The following SLCO5A1 variants were observed in gnomAD, a reference collection of about 807,000 sequenced individuals.
The protein encoded by SLCO5A1 is organic anion transporter polypeptide-related protein 4.
A neutral mutation model predicts 65.1 loss-of-function variants in SLCO5A1; 39 were observed. That is an observed-to-expected ratio of 0.60 (90% CI 0.46 to 0.78). The LOEUF (loss-of-function observed/expected upper bound fraction) is 0.78. SLCO5A1 is among the 30% of genes least tolerant of loss of function. The pLI is 0.00. For missense variants in SLCO5A1, 1,029 were observed against 1,069.4 expected, an observed-to-expected ratio of 0.96 and a Z score of 0.53; for synonymous variants, 438 against 415.7, an observed-to-expected ratio of 1.05 and a Z score of -0.65.
At chr8:69,704,417 T>C (rs1252928873) in intron 6 of SLCO5A1, among the ~76,000 whole-genome samples, 1 of 152,238 alleles carries the variant, frequency 6.6e-6, no homozygotes, top group East Asian at 1.9e-4. Context: ...TTCAGATTGT[T>C]ACTACCAGTA....
chr8:69,744,300 T>C (rs181627548), intron 4 of SLCO5A1, among the ~76,000 whole-genome samples: 10 of 152,344 alleles, frequency 6.6e-5, no homozygotes, highest in African/African-American at 2.4e-4. Context: ...AGCGGGCTGC[T>C]GCCTGCCCTT....
At chr8:69,739,991 C>A (rs1484447552) in intron 4 of SLCO5A1, among the ~76,000 whole-genome samples, 2 of 152,188 alleles carry the variant, frequency 1.3e-5, no homozygotes, top group African/African-American at 4.8e-5. Flanking sequence ...AACATACTAT[C>A]ACATGACTGT....
intron 2 of SLCO5A1, among the ~76,000 whole-genome samples, chr8:69,784,883 GAA>G (rs1171931225): frequency 1.6e-3 from 154 of 95,974 alleles, no homozygotes; most frequent in African/African-American, 4.7e-3. Flanking sequence ...GAGAAAGAAA[GAA>G]AGAAGAAAGG....
rs1817504046 is a variant in SLCO5A1, at chr8:69,755,523, C to T, written c.1159G>A (p.Asp387Asn). The T allele has an allele frequency of 1.9e-6, 3 of 1,613,956 alleles. No homozygotes were observed. The East Asian group carries it at 6.7e-5, about 36-fold the overall frequency. ...KKKKKKKFSV[D>N]AVSDDDVLKE... ...AGAACATCGTCATCACTAACAGCAT[C>T]AACAGAAAATTTTTTCTTTTTCTTT... The change falls in exon 4 of 10, where the codon GAT becomes AAT. Residue 387 changes from aspartate (D) to asparagine (N), a missense_variant. By Grantham distance (23) the Asp-to-Asn change is conservative. This residue lies in a region of SLCO5A1 where 647 missense variants were observed against 647.5 expected (regional missense o/e 1.00). Transcript: ENST00000260126.
At chr8:69,678,806 A>AAC (rs1053458507) in intron 8 of SLCO5A1, among the ~76,000 whole-genome samples, 1 of 151,924 alleles carries the variant, frequency 6.6e-6, no homozygotes. Context: ...AACTGAAAAA[A>AAC]AAAAAAAGGG....
At chr8:69,830,146 G>C (rs1821097856) in intron 2 of SLCO5A1, among the ~76,000 whole-genome samples, 1 of 152,038 alleles carries the variant, frequency 6.6e-6, no homozygotes, top group Non-Finnish European at 1.5e-5. Flanking sequence ...CTCTTTTTCT[G>C]ACCCATTGAA....
rs142900277 is a variant in SLCO5A1, at chr8:69,800,278, A to G, written c.907+31489T>C. ...TTTTTTTTTTTTTTTTTTTGAGACA[A>G]GGTCTTGCCCTGTCACTCAGCCTGG... is the stretch of plus-strand genomic sequence containing the variant. On this transcript the variant is annotated intron_variant, in intron 2 of 9. Transcript: ENST00000260126. Among the ~76,000 whole-genome samples, 378 of 132,082 alleles carry G rather than the reference A, an allele frequency of 2.9e-3. 2 individuals are homozygous for G. Among genetic ancestry groups the G allele is most frequent in the Middle Eastern group, 0.012 (3 of 254 alleles). The allele number at this position is 132,082 out of a possible 152,430, so 86.7% of individuals were successfully genotyped here. A position where few individuals can be genotyped will look rare whatever the true frequency, so the allele number is the denominator to read the frequency against.
intron 4 of SLCO5A1, among the ~76,000 whole-genome samples, chr8:69,740,953 C>G (rs1270714344): frequency 6.6e-6 from 1 of 152,124 alleles, no homozygotes. Flanking sequence ...TATTTGTAAC[C>G]CCAAAAATTA....
rs781535151 is a variant in SLCO5A1 at position 69,831,946 on chromosome 8, G to A, written c.728C>T (p.Thr243Ile). ...NDGLCQGGNSTATLEPPACPK... is the reference protein window; with the variant it reads ...NDGLCQGGNSIATLEPPACPK... Reference sequence around the variant, plus strand: ...ACAGGCCGGAGGCTCCAAAGTGGCGGTGGAGTTGCCACCCTGACACAGGCC... The same window carrying A: ...ACAGGCCGGAGGCTCCAAAGTGGCGATGGAGTTGCCACCCTGACACAGGCC... The change falls in exon 2 of 10, where the codon ACC becomes ATC. Residue 243 changes from threonine to isoleucine, a missense_variant. Thr to Ile is a moderately conservative substitution (Grantham distance 89). Coordinates refer to ENST00000260126, the MANE Select transcript of SLCO5A1 (RefSeq NM_030958.3). 2.5e-6 allele frequency: 4 copies of A among 1,595,508 alleles called. No individual in the cohort carries two copies. Among genetic ancestry groups the A allele is most frequent in the Non-Finnish European group, 3.4e-6 (4 of 1,172,094 alleles).
chr8:69,755,532 A>T lies in SLCO5A1; in HGVS notation c.1150T>A (p.Phe384Ile), dbSNP rs1817504314. The change falls in exon 4 of 10, where the codon TTT (phenylalanine) becomes ATT (isoleucine). Residue 384 changes from phenylalanine to isoleucine, a missense_variant. Phe to Ile is a conservative substitution (Grantham distance 21). Transcript: ENST00000260126. ...TCATCACTAACAGCATCAACAGAAAATTTTTTCTTTTTCTTTTTCTTGTGT... is the reference window on the plus strand; with the variant it reads ...TCATCACTAACAGCATCAACAGAAATTTTTTTCTTTTTCTTTTTCTTGTGT... ...PRHKKKKKKK[F>I]SVDAVSDDDV... The T allele has an allele frequency of 6.2e-7, 1 of 1,613,872 alleles. No homozygotes were observed. Among genetic ancestry groups the T allele is most frequent in the Admixed American group, 1.7e-5 (1 of 59,976 alleles).
rs570748864 is a variant in SLCO5A1, at chr8:69,694,497, A to T, written c.1622+10534T>A. Among the ~76,000 whole-genome samples, 3 of 152,348 alleles carry T rather than the reference A, an allele frequency of 2.0e-5. No homozygotes were observed. The South Asian group carries it at 6.2e-4, about 32-fold the overall frequency. ...GCAAGTCTTAAAATCATGCAGAACA[A>T]GAAACAGTTTTTACTAGGCAGGCCA... is the stretch of plus-strand genomic sequence containing the variant. On this transcript the variant is annotated intron_variant, in intron 6 of 9. Transcript: ENST00000260126.
At chr8:69,830,939 C>T (rs1327272894) in intron 2 of SLCO5A1, among the ~76,000 whole-genome samples, 1 of 152,154 alleles carries the variant, frequency 6.6e-6, no homozygotes, top group Non-Finnish European at 1.5e-5. Context: ...AAAGGTAAGC[C>T]AGTCATTTGA....
chr8:69,730,878 T>A (rs547961054), intron 5 of SLCO5A1, among the ~76,000 whole-genome samples: 102 of 152,252 alleles, frequency 6.7e-4, no homozygotes, highest in Non-Finnish European at 1.3e-3. Flanking sequence ...ATAGCAGGAA[T>A]CTATGGGGCC....
At chr8:69,823,265 A>C (rs1820727511) in intron 2 of SLCO5A1, among the ~76,000 whole-genome samples, 2 of 152,242 alleles carry the variant, frequency 1.3e-5, no homozygotes, top group African/African-American at 2.4e-5. Context: ...AAAGTCACAC[A>C]TAACAATATT....
At chr8:69,756,950 T>A (rs544125995) in intron 3 of SLCO5A1, among the ~76,000 whole-genome samples, 5 of 152,228 alleles carry the variant, frequency 3.3e-5, no homozygotes, top group African/African-American at 4.8e-5. Flanking sequence ...TCCAAGTTCA[T>A]AAATGCTCAA....
At chr8:69,738,586 C>T (rs1023335668) in intron 4 of SLCO5A1, among the ~76,000 whole-genome samples, 1 of 152,154 alleles carries the variant, frequency 6.6e-6, no homozygotes, top group African/African-American at 2.4e-5. Context: ...TGTAAAGTGC[C>T]TGCAATGCAG....
chr8:69,723,231 A>C (rs1815909453), intron 5 of SLCO5A1, among the ~76,000 whole-genome samples: 1 of 152,130 alleles, frequency 6.6e-6, no homozygotes, highest in Non-Finnish European at 1.5e-5. Context: ...GTTTGAATAC[A>C]AATTAAACAC....
chr8:69,743,340 T>A (rs1816881707), intron 4 of SLCO5A1, among the ~76,000 whole-genome samples: 2 of 152,140 alleles, frequency 1.3e-5, no homozygotes, highest in Non-Finnish European at 2.9e-5. Context: ...TTGATGAAGG[T>A]CTTTATTTTT....
At chr8:69,819,049 T>A (rs1383463608) in intron 2 of SLCO5A1, among the ~76,000 whole-genome samples, 1 of 152,178 alleles carries the variant, frequency 6.6e-6, no homozygotes, top group Non-Finnish European at 1.5e-5. Context: ...GGTAAACACA[T>A]TGTAAACAAG....
Sources: allele counts gnomAD v4.1 joint callset (sites outside exome capture counted in the v4.1 genomes callset), GRCh38; gene constraint gnomAD v4.1.1; regional missense constraint gnomAD v4.1.1; transcripts MANE v1.5; gene names NCBI Gene and HGNC (gene_info 2026-07-23, HGNC 2026-07-21).